Variants in ARMC9 observed in about 807,000 individuals in gnomAD.
The protein encoded by ARMC9 is lisH domain-containing protein ARMC9.
In ARMC9, 94 loss-of-function variants were observed where a neutral mutation model predicts 107.0. The ratio of observed to expected loss-of-function variants is 0.88; its 90% CI spans 0.74 to 1.04. ARMC9 has a LOEUF of 1.04. Ranked by LOEUF, ARMC9 falls within the 50% of genes least tolerant of loss-of-function variation. The pLI, the probability that ARMC9 is intolerant of heterozygous loss-of-function variation, is 0.00. For missense variants in ARMC9, 942 were observed against 1,030.1 expected, an observed-to-expected ratio of 0.91 and a Z score of 1.17; for synonymous variants, 380 against 396.9, an observed-to-expected ratio of 0.96 and a Z score of 0.51.
intron 19 of ARMC9, among the ~76,000 whole-genome samples, chr2:231,329,897 T>C (rs1406344): frequency 0.32 from 49,128 of 151,730 alleles, 8,038 homozygotes; most frequent in Middle Eastern, 0.37. Flanking sequence ...CAAATAGGGA[T>C]AGTTTTTCTT....
chr2:231,244,072 T>C (rs947845318), intron 9 of ARMC9, among the ~76,000 whole-genome samples: 1 of 152,170 alleles, frequency 6.6e-6, no homozygotes, highest in Non-Finnish European at 1.5e-5. Flanking sequence ...TGAGCTTGAG[T>C]GTTACTGCTA....
At chr2:231,203,720 G>C (rs944272677) in intron 1 of ARMC9, among the ~76,000 whole-genome samples, 2 of 152,172 alleles carry the variant, frequency 1.3e-5, no homozygotes, top group Admixed American at 1.3e-4. Context: ...AGCACTTTGG[G>C]AGGCCGAGGC....
intron 19 of ARMC9, among the ~76,000 whole-genome samples, chr2:231,318,806 G>A (rs568676186): frequency 6.6e-6 from 1 of 152,312 alleles, no homozygotes; most frequent in South Asian, 2.1e-4. Flanking sequence ...ACCTACTCCT[G>A]TTCCAGGAAC....
chr2:231,308,060 A>G (rs2042129179), intron 19 of ARMC9, among the ~76,000 whole-genome samples: 2 of 152,232 alleles, frequency 1.3e-5, no homozygotes, highest in African/African-American at 4.8e-5. Flanking sequence ...GGAGCCAGAC[A>G]GTAAAGAGTG....
intron 19 of ARMC9, among the ~76,000 whole-genome samples, chr2:231,298,529 T>C (rs945895133): frequency 6.6e-6 from 1 of 152,184 alleles, no homozygotes; most frequent in Non-Finnish European, 1.5e-5. Context: ...ATTTGCAAGG[T>C]GTTGGAGTCA....
At chr2:231,209,166 G>A (rs1324724075) in intron 3 of ARMC9, among the ~76,000 whole-genome samples, 3 of 152,090 alleles carry the variant, frequency 2.0e-5, no homozygotes, top group Non-Finnish European at 2.9e-5. Flanking sequence ...CCTCCCAAAA[G>A]TGCTGAGGTT....
chr2:231,359,331 C>G (rs1236419773), intron 22 of ARMC9, among the ~76,000 whole-genome samples: 1 of 151,966 alleles, frequency 6.6e-6, no homozygotes, highest in East Asian at 1.9e-4. Flanking sequence ...AAGTGATCTG[C>G]CTGCCCCAGC....
chr2:231,369,818 T>G, intron 23 of ARMC9, 135 bp from the exon 24 acceptor site: 2 of 996,432 alleles, frequency 2.0e-6, no homozygotes, highest in African/African-American at 1.7e-5. Flanking sequence ...GGTCTCTAAC[T>G]CCTGACTTCA....
rs762821305 is a variant in ARMC9, at chr2:231,345,040, G to A, written c.1944G>A (p.Glu648=). The A allele has an allele frequency of 2.5e-6, 4 of 1,613,918 alleles. No individual in the cohort carries two copies. Among genetic ancestry groups the A allele is most frequent in the Middle Eastern group, 1.6e-4 (1 of 6,080 alleles). ...CTAATGTGCAGTGGAGCGGGGATGA[G>A]CCCCTGCAAAGGCCCGTCACCCCCG... ...GLANVQWSGD[E]PLQRPVTPGG... is the part of the protein sequence containing the mutation. Residue 648 remains glutamate, a synonymous_variant, in exon 21 of 25, where the codon GAG becomes GAA. Transcript: ENST00000611582.
intron 20 of ARMC9, 90 bp from the exon 21 acceptor site, chr2:231,344,885 G>T: frequency 8.4e-7 from 1 of 1,187,302 alleles, no homozygotes; most frequent in Admixed American, 1.9e-5. Context: ...TATCATTATA[G>T]AGTAGTTTAT....
At chr2:231,267,999 G>T (rs753530798) in intron 12 of ARMC9, among the ~76,000 whole-genome samples, 1 of 152,182 alleles carries the variant, frequency 6.6e-6, no homozygotes, top group Non-Finnish European at 1.5e-5. Context: ...TACCTGTGAT[G>T]TATTTGTAAA....
intron 4 of ARMC9, 136 bp downstream of exon 4, chr2:231,215,137 C>G (rs2033358140): frequency 1.1e-6 from 1 of 907,108 alleles, no homozygotes; most frequent in Admixed American, 3.1e-5. Flanking sequence ...CATCCTCTCT[C>G]CTGGTGAGTG....
intron 23 of ARMC9, among the ~76,000 whole-genome samples, chr2:231,368,843 G>A (rs1367656546): frequency 6.6e-6 from 1 of 151,826 alleles, no homozygotes; most frequent in Admixed American, 6.6e-5. Flanking sequence ...CAGGCTGGTC[G>A]CGAACTCCTG....
chr2:231,222,711 T>C lies in ARMC9; in HGVS notation c.505-17T>C, dbSNP rs745666268. ...TAGTAATCTAATGTTTGTATTTTTGTTCCCTTTTTTCTTTAGGATTCCTGG... is the reference window on the plus strand; with the variant it reads ...TAGTAATCTAATGTTTGTATTTTTGCTCCCTTTTTTCTTTAGGATTCCTGG... On this transcript the variant is annotated splice_polypyrimidine_tract_variant and intron_variant, in intron 5 of 24. Coordinates refer to ENST00000611582, the MANE Select transcript of ARMC9 (RefSeq NM_001352754.2). 10 of 1,365,140 alleles carry C rather than the reference T, an allele frequency of 7.3e-6. No individual in the cohort carries two copies. The Middle Eastern group carries it at 1.9e-3, about 255-fold the overall frequency. The allele number at this position is 1,365,140 out of a possible 1,614,324, so 84.6% of individuals were successfully genotyped here. A position where few individuals can be genotyped will look rare whatever the true frequency, so the allele number is the denominator to read the frequency against.
chr2:231,265,996 TAA>T (rs541194304), intron 12 of ARMC9, among the ~76,000 whole-genome samples: 77 of 125,184 alleles, frequency 6.2e-4, no homozygotes, highest in Admixed American at 5.7e-4. Flanking sequence ...AGACGCCATC[TAA>T]AAAAAAAAAA....
At chr2:231,368,685 C>T (rs1011889572) in intron 23 of ARMC9, among the ~76,000 whole-genome samples, 9 of 152,160 alleles carry the variant, frequency 5.9e-5, no homozygotes, top group Non-Finnish European at 1.0e-4. Context: ...AGGGCCCTGG[C>T]GTGAACAAAG....
At chr2:231,346,396 C>T (rs528701763) in intron 21 of ARMC9, among the ~76,000 whole-genome samples, 10 of 152,258 alleles carry the variant, frequency 6.6e-5, no homozygotes, top group African/African-American at 1.9e-4. Flanking sequence ...TGGCGGGCAC[C>T]TGTAGTCCCA....
At chr2:231,322,139 AATGT>A (rs1040353226) in intron 19 of ARMC9, among the ~76,000 whole-genome samples, 3 of 152,242 alleles carry the variant, frequency 2.0e-5, no homozygotes, top group African/African-American at 7.2e-5. Context: ...TGGGGAAATG[AATGT>A]AGAGGGAGAC....
Position 231,242,220 on chromosome 2 carries a change from G to A in ARMC9, c.879+2179G>A, listed in dbSNP as rs192921693. On this transcript the variant is annotated intron_variant, in intron 9 of 24. Transcript: ENST00000611582. ...ACAGTTATTCCTGGTGCTAAGACCC[G>A]GGATAATCTCTTGGGTCAGCAGTTT... Among the ~76,000 whole-genome samples the A allele has an allele frequency of 4.0e-4, 61 of 151,728 alleles. 2 individuals are homozygous for A. The highest frequency in any genetic ancestry group is 1.4e-3 in the African/African-American group (56 of 41,296).
Sources: allele counts gnomAD v4.1 joint callset (sites outside exome capture counted in the v4.1 genomes callset), GRCh38; gene constraint gnomAD v4.1.1; transcripts MANE v1.5; gene names NCBI Gene and HGNC (gene_info 2026-07-23, HGNC 2026-07-21).